DLGAP1: variants seen among roughly 807,000 people sequenced by gnomAD.
DLGAP1 encodes the protein disks large-associated protein 1.
In DLGAP1, 11 loss-of-function variants were observed where a neutral mutation model predicts 90.8. That is an observed-to-expected ratio of 0.12 (90% CI 0.08 to 0.20). DLGAP1 has a LOEUF of 0.20. Ranked by LOEUF, DLGAP1 falls within the 10% of genes least tolerant of loss-of-function variation. The pLI, the probability that DLGAP1 is intolerant of heterozygous loss-of-function variation, is 1.00. For synonymous variants in DLGAP1, 558 were observed against 540.7 expected (o/e 1.03, Z -0.44); for missense variants, 1,050 against 1,333.8 (o/e 0.79, Z 3.31).
chr18:3,521,504 G>A (rs1240300189), intron 10 of DLGAP1, among the ~76,000 whole-genome samples: 3 of 152,090 alleles, frequency 2.0e-5, no homozygotes, highest in Non-Finnish European at 4.4e-5. Flanking sequence ...TTCACACCAA[G>A]CACTAAGCTG....
chr18:3,583,097 C>T (rs1444042543), intron 7 of DLGAP1, among the ~76,000 whole-genome samples: 1 of 151,424 alleles, frequency 6.6e-6, no homozygotes, highest in African/African-American at 2.4e-5. Flanking sequence ...CGTGAGCCAC[C>T]GGGCCCGGCC....
intron 10 of DLGAP1, among the ~76,000 whole-genome samples, chr18:3,515,447 C>T (rs1395759860): frequency 1.8e-5 from 2 of 109,112 alleles, no homozygotes; most frequent in Non-Finnish European, 3.5e-5. Flanking sequence ...CCAGCCTGGG[C>T]AACAGAGCGA....
chr18:4,057,509 G>C (rs11874506), intron 2 of DLGAP1, among the ~76,000 whole-genome samples: 3,988 of 152,264 alleles, frequency 0.026, 181 homozygotes, highest in African/African-American at 0.09. Context: ...CAATCCCCCA[G>C]AAGCCTGCCA....
chr18:3,816,973 A>C (rs1238383299), intron 4 of DLGAP1, among the ~76,000 whole-genome samples: 1 of 152,250 alleles, frequency 6.6e-6, no homozygotes, highest in African/African-American at 2.4e-5. Context: ...TCACCACAGC[A>C]ACAAAGATTT....
At chr18:3,530,930 C>T (rs2051950426) in intron 10 of DLGAP1, among the ~76,000 whole-genome samples, 1 of 152,092 alleles carries the variant, frequency 6.6e-6, no homozygotes, top group South Asian at 2.1e-4. Context: ...AGTCATTTGA[C>T]AGGGGTCAGG....
intron 4 of DLGAP1, among the ~76,000 whole-genome samples, chr18:3,829,298 G>A (rs1324606064): frequency 6.6e-6 from 1 of 152,196 alleles, no homozygotes; most frequent in Non-Finnish European, 1.5e-5. Flanking sequence ...CATTCAAAGT[G>A]TATTTGTAGG....
At chr18:3,742,613 G>A in intron 5 of DLGAP1, 101 bp from the exon 6 acceptor site, 2 of 1,356,520 alleles carry the variant, frequency 1.5e-6, no homozygotes, top group Non-Finnish European at 1.0e-6. Context: ...CTAAATACTG[G>A]GACAAATGAC....
At chr18:3,754,147 C>T (rs1246975149) in intron 5 of DLGAP1, among the ~76,000 whole-genome samples, 2 of 152,126 alleles carry the variant, frequency 1.3e-5, no homozygotes, top group African/African-American at 4.8e-5. Flanking sequence ...ACTACAGGCA[C>T]ATGCCACCAT....
intron 8 of DLGAP1, among the ~76,000 whole-genome samples, chr18:3,574,804 ATTTTATTTTATTTTAT>A (rs144630781): frequency 0.38 from 56,497 of 148,278 alleles, 11,824 homozygotes; most frequent in East Asian, 0.82. Context: ...ATTTTATTTT[ATTTTATTTTATTTTAT>A]TTTATTTATT....
chr18:3,540,435 A>C (rs1361063442), intron 9 of DLGAP1, among the ~76,000 whole-genome samples: 1 of 136,604 alleles, frequency 7.3e-6, no homozygotes, highest in East Asian at 2.2e-4. Flanking sequence ...GCACCACTGC[A>C]CTCCAGTTTG....
intron 3 of DLGAP1, among the ~76,000 whole-genome samples, chr18:3,909,280 G>A (rs1438965300): frequency 6.6e-6 from 1 of 152,162 alleles, no homozygotes. Context: ...ATGGCCTACA[G>A]GTTTTTAAGC....
intron 7 of DLGAP1, among the ~76,000 whole-genome samples, chr18:3,672,748 TTCATCAATAGTG>T (rs534686803): frequency 1.3e-5 from 2 of 152,234 alleles, no homozygotes; most frequent in Non-Finnish European, 2.9e-5. Flanking sequence ...GTTTCAACCA[TTCATCAATAGTG>T]GTGGCGAGCA....
chr18:4,308,555 T>G (rs1446997422), intron 1 of DLGAP1, among the ~76,000 whole-genome samples: 1 of 152,190 alleles, frequency 6.6e-6, no homozygotes, highest in Non-Finnish European at 1.5e-5. Context: ...ACTTTAAACA[T>G]CCAATTTCAT....
chr18:3,910,443 A>G (rs1444917132), intron 3 of DLGAP1, among the ~76,000 whole-genome samples: 4 of 152,188 alleles, frequency 2.6e-5, no homozygotes, highest in Non-Finnish European at 1.5e-5. Flanking sequence ...AAACAAATGA[A>G]CAAGTAGTCT....
chr18:3,568,493 T>A (rs1295189286), intron 8 of DLGAP1, among the ~76,000 whole-genome samples: 2 of 152,090 alleles, frequency 1.3e-5, no homozygotes, highest in Non-Finnish European at 2.9e-5. Context: ...TTATTAGGTT[T>A]ATTCCGTTTT....
At chr18:3,567,451 A>G in intron 9 of DLGAP1, 39 bp downstream of exon 9, 1 of 1,540,054 alleles carries the variant, frequency 6.5e-7, no homozygotes, top group Non-Finnish European at 8.9e-7. Flanking sequence ...CTTACTTCAA[A>G]ACATCAAGAC....
intron 1 of DLGAP1, among the ~76,000 whole-genome samples, chr18:4,356,497 C>G (rs955684759): frequency 6.6e-5 from 10 of 152,164 alleles, no homozygotes; most frequent in Non-Finnish European, 1.3e-4. Flanking sequence ...TCTAGCAACA[C>G]AAGTCAAAAA....
chr18:4,437,186 T>C (rs1398436179), intron 1 of DLGAP1, among the ~76,000 whole-genome samples: 1 of 152,170 alleles, frequency 6.6e-6, no homozygotes, highest in Non-Finnish European at 1.5e-5. Context: ...GACTGAAACA[T>C]TGACAGAGAT....
At chr18:3,998,136 AAT>A (rs1175214605) in intron 3 of DLGAP1, among the ~76,000 whole-genome samples, 1 of 152,210 alleles carries the variant, frequency 6.6e-6, no homozygotes, top group Non-Finnish European at 1.5e-5. Context: ...GCAAAATGGC[AAT>A]ACTCAAATTT....
Sources: allele counts gnomAD v4.1 joint callset (sites outside exome capture counted in the v4.1 genomes callset), GRCh38; gene constraint gnomAD v4.1.1; transcripts MANE v1.5; gene names NCBI Gene and HGNC (gene_info 2026-07-23, HGNC 2026-07-21).